PPRC1: variants seen among roughly 807,000 people sequenced by gnomAD.
PPRC1 encodes the protein PPARG related coactivator 1.
Under a neutral mutation model 132.5 loss-of-function variants are expected in PPRC1, and 23 were observed. That is an observed-to-expected ratio of 0.17 (90% CI 0.12 to 0.25). The LOEUF (loss-of-function observed/expected upper bound fraction) is 0.25, where lower values mean the gene tolerates loss of function less well. PPRC1 is among the 10% of genes least tolerant of loss of function. The pLI is 1.00. For synonymous variants in PPRC1, 872 were observed against 833.5 expected, an observed-to-expected ratio of 1.05 and a Z score of -0.80; for missense variants, 2,006 against 2,089.1, an observed-to-expected ratio of 0.96 and a Z score of 0.78.
In PPRC1 at chr10:102,133,181, C is replaced by G; in HGVS notation, c.113C>G (p.Ala38Gly). 1 of 1,276,458 alleles carries G rather than the reference C, an allele frequency of 7.8e-7. No homozygotes were observed. The highest frequency in any genetic ancestry group is 1.0e-6 in the Non-Finnish European group (1 of 1,004,638). The allele number at this position is 1,276,458 out of a possible 1,614,324, so 79.1% of individuals were successfully genotyped here. Residue 38 changes from alanine to glycine, a missense_variant, in exon 1 of 14, where the codon GCG (alanine) becomes GGG (glycine). Coordinates refer to ENST00000278070, the MANE Select transcript of PPRC1 (RefSeq NM_015062.5). ...RGSGWGSRSQ[A>G]PYGTLGAVSG... ...AGTGGTTGGGGAAGTCGAAGCCAAG[C>G]GCCGTATGGGACTTTGGGCGCTGTG...
Position 102,141,662 on chromosome 10 carries a change from C to T in PPRC1, c.3154C>T (p.Pro1052Ser), listed in dbSNP as rs781363868. 18 of 1,614,148 alleles carry T rather than the reference C, an allele frequency of 1.1e-5. No individual in the cohort carries two copies. The South Asian group carries it at 1.9e-4, about 17-fold the overall frequency. The change falls in exon 5 of 14, where the codon CCT becomes TCT. Residue 1052 changes from proline (P) to serine (S), a missense_variant. Around this residue, in one of 2 missense-constraint regions of PPRC1, gnomAD observed 1,914 missense variants for 1,917.2 expected, o/e 1.00. Transcript: ENST00000278070. ...LPGHGAPQTE[P>S]TKVEVKPVPA... ...TGGCCATGGAGCTCCTCAGACAGAG[C>T]CTACCAAGGTGGAGGTCAAGCCAGT...
chr10:102,127,068 T>TATATATATAA, the PPRC1 span, among the ~76,000 whole-genome samples: 12 of 74,102 alleles, frequency 1.6e-4, no homozygotes, highest in East Asian at 7.8e-4. Flanking sequence ...TATATATATA[T>TATATATATAA]AAATTAAAAA....
rs1385579477 is a variant in PPRC1 at position 102,133,130 on chromosome 10, C to T, written c.62C>T (p.Pro21Leu). Residue 21 changes from proline to leucine, a missense_variant, in exon 1 of 14, where the codon CCG becomes CTG. Around this residue, in one of 2 missense-constraint regions of PPRC1, gnomAD observed 1,914 missense variants for 1,917.2 expected, o/e 1.00. Coordinates refer to ENST00000278070, the MANE Select transcript of PPRC1 (RefSeq NM_015062.5). The part of the protein sequence containing the change: ...VAPPPSGGPG[P>L]DPGGGARGSG... ...CCGCCCCCGAGTGGGGGCCCCGGTC[C>T]GGACCCTGGCGGGGGAGCCCGCGGC... 4.0e-6 allele frequency: 5 copies of T among 1,250,288 alleles called. No homozygotes were observed. Among genetic ancestry groups the T allele is most frequent in the South Asian group, 4.0e-5 (1 of 24,746 alleles). The allele number at this position is 1,250,288 out of a possible 1,614,324, so 77.4% of individuals were successfully genotyped here. A position where few individuals can be genotyped will look rare whatever the true frequency, so the allele number is the denominator to read the frequency against.
rs752009057 is a variant in PPRC1 at position 102,148,567 on chromosome 10, C to CT, written c.4550+47dup. 8.1e-6 allele frequency: 13 copies of CT among 1,612,062 alleles called. No individual in the cohort carries two copies. Among genetic ancestry groups the CT allele is most frequent in the African/African-American group, 8.0e-5 (6 of 74,864 alleles). Reference sequence around the variant, plus strand: ...CGCCATGCACCTGGGATGCAGGTGCCTAAGAGTTGAGTCTTGAATTGTCTT... The same window carrying CT: ...CGCCATGCACCTGGGATGCAGGTGCCTTAAGAGTTGAGTCTTGAATTGTCTT... On this transcript the variant is annotated intron_variant, in intron 10 of 13. Coordinates refer to ENST00000278070, the MANE Select transcript of PPRC1 (RefSeq NM_015062.5). The surrounding 1 kb of genome is among the most constrained non-coding windows in gnomAD (Gnocchi z 4.2).
the PPRC1 span, among the ~76,000 whole-genome samples, chr10:102,124,353 G>A: frequency 1.3e-5 from 2 of 151,522 alleles, no homozygotes; most frequent in Non-Finnish European, 2.9e-5. Context: ...GTGAGCCACC[G>A]CGCCCGGCCT....
chr10:102,124,359 G>A, the PPRC1 span, among the ~76,000 whole-genome samples: 8 of 151,636 alleles, frequency 5.3e-5, no homozygotes, highest in East Asian at 1.9e-4. Context: ...CACCGCGCCC[G>A]GCCTTCTTTC....
In PPRC1 at chr10:102,150,085, A is replaced by C. The variant is rs2069444936; in HGVS notation, c.*56A>C. On this transcript the variant is annotated 3_prime_UTR_variant, in exon 14 of 14. Coordinates refer to ENST00000278070, the MANE Select transcript of PPRC1 (RefSeq NM_015062.5). ...CCTTTGGAGGTGCCCAACCTCCTCC[A>C]CCCCCTTCCCCTACTCTAGGGGAGA... 7.6e-7 allele frequency: 1 copy of C among 1,317,350 alleles called. No individual in the cohort carries two copies. The highest frequency in any genetic ancestry group is 1.7e-5 in the Admixed American group (1 of 59,326). The allele number at this position is 1,317,350 out of a possible 1,614,324, so 81.6% of individuals were successfully genotyped here. A position where few individuals can be genotyped will look rare whatever the true frequency, so the allele number is the denominator to read the frequency against.
At chr10:102,142,663 C>T (rs1456896068) in intron 5 of PPRC1, among the ~76,000 whole-genome samples, 1 of 152,138 alleles carries the variant, frequency 6.6e-6, no homozygotes, top group Non-Finnish European at 1.5e-5. Flanking sequence ...ATCCGCCTGC[C>T]TCAGCCTCCC....
upstream of PPRC1, chr10:102,133,006 C>A (rs948843216): frequency 6.5e-6 from 8 of 1,235,804 alleles, no homozygotes; most frequent in South Asian, 2.9e-4. Context: ...AGTTCCTTTC[C>A]CACAATCGGC....
chr10:102,147,240 C>T lies in PPRC1; in HGVS notation c.4248C>T (p.Ser1416=), dbSNP rs766047799. The T allele has an allele frequency of 3.1e-6, 5 of 1,613,102 alleles. No individual in the cohort carries two copies. The highest frequency in any genetic ancestry group is 3.3e-5 in the Admixed American group (2 of 60,012). The change falls in exon 9 of 14, where the codon AGC becomes AGT. Residue 1416 remains serine (S), a synonymous_variant. Coordinates refer to ENST00000278070, the MANE Select transcript of PPRC1 (RefSeq NM_015062.5). Reference sequence around the variant, plus strand: ...CCTGCAGGTCAGCCAGCCCCTCAAGCCAGGGCTGGCAGGGCCGCCGAGGCC... The same window carrying T: ...CCTGCAGGTCAGCCAGCCCCTCAAGTCAGGGCTGGCAGGGCCGCCGAGGCC... ...RKACRSASPS[S]QGWQGRRGRN...
At chr10:102,125,800 T>G in the PPRC1 span, among the ~76,000 whole-genome samples, 3 of 151,758 alleles carry the variant, frequency 2.0e-5, no homozygotes, top group Non-Finnish European at 4.4e-5. Flanking sequence ...TTTTCTCTTA[T>G]ATTTCTCTCA....
chr10:102,130,808 A>G (rs950024460), upstream of PPRC1, among the ~76,000 whole-genome samples: 1 of 152,076 alleles, frequency 6.6e-6, no homozygotes, highest in African/African-American at 2.4e-5. Flanking sequence ...ATCCCAACAC[A>G]TTGGGAGGCC....
In PPRC1 at chr10:102,139,549, G is replaced by A; in HGVS notation, c.1041G>A (p.Glu347=). 1 of 1,613,976 alleles carries A rather than the reference G, an allele frequency of 6.2e-7. No individual in the cohort carries two copies. The highest frequency in any genetic ancestry group is 8.5e-7 in the Non-Finnish European group (1 of 1,179,940). ...TGCCTGAGGGCTGCGTAGTGCTGGA[G>A]ATTGTGGGGCAGGCAGCCACAGCTG... is the stretch of plus-strand genomic sequence containing the variant. ...LTLPEGCVVL[E]IVGQAATAGD... Residue 347 remains glutamate, a synonymous_variant, in exon 5 of 14, where the codon GAG becomes GAA. Transcript: ENST00000278070.
Position 102,141,420 on chromosome 10 carries a change from C to T in PPRC1, c.2912C>T (p.Ser971Leu), listed in dbSNP as rs763778333. ...VPWAPPPAPV[S>L]PYSSTCTYGP... ...TGGGCACCCCCTCCTGCCCCAGTCT[C>T]ACCTTACAGTTCCACATGTACCTAT... is the stretch of plus-strand genomic sequence containing the variant. Residue 971 changes from serine to leucine, a missense_variant, in exon 5 of 14, where the codon TCA becomes TTA. By Grantham distance (145) the Ser-to-Leu change is moderately radical. This residue lies in a region of PPRC1 where 1,914 missense variants were observed against 1,917.2 expected (regional missense o/e 1.00). Transcript: ENST00000278070. 1.9e-6 allele frequency: 3 copies of T among 1,614,058 alleles called. No individual in the cohort carries two copies. The highest frequency in any genetic ancestry group is 1.3e-5 in the African/African-American group (1 of 75,038).
In PPRC1 at chr10:102,140,030, C is replaced by G; in HGVS notation, c.1522C>G (p.Leu508Val). 6.2e-7 allele frequency: 1 copy of G among 1,614,196 alleles called. No individual in the cohort carries two copies. Among genetic ancestry groups the G allele is most frequent in the Non-Finnish European group, 8.5e-7 (1 of 1,180,026 alleles). The change falls in exon 5 of 14, where the codon CTT (leucine) becomes GTT (valine). Residue 508 changes from leucine to valine, a missense_variant. Leu to Val is a conservative substitution (Grantham distance 32). This residue lies in a region of PPRC1 where 1,914 missense variants were observed against 1,917.2 expected (regional missense o/e 1.00). Coordinates refer to ENST00000278070, the MANE Select transcript of PPRC1 (RefSeq NM_015062.5). Reference sequence around the variant, plus strand: ...CTTGCAGAAACAGCCTCAGGAAGAACTTCAAAAAGAGTCTGGGCCTCTCCA... The same window carrying G: ...CTTGCAGAAACAGCCTCAGGAAGAAGTTCAAAAAGAGTCTGGGCCTCTCCA... ...DNLQKQPQEE[L>V]QKESGPLQGK...
chr10:102,135,901 G>A (rs760848361), intron 1 of PPRC1, among the ~76,000 whole-genome samples: 1 of 152,182 alleles, frequency 6.6e-6, no homozygotes, highest in Admixed American at 6.5e-5. Flanking sequence ...CTTAGCACTC[G>A]GATGATCTTG....
At chr10:102,127,531 C>G in the PPRC1 span, among the ~76,000 whole-genome samples, 14,415 of 152,042 alleles carry the variant, frequency 0.095, 974 homozygotes, top group African/African-American at 0.19. Context: ...CTCAGCCTCC[C>G]GAGTAGCTGG....
At chr10:102,138,372 C>T (rs1774410454) in intron 2 of PPRC1, among the ~76,000 whole-genome samples, 3 of 152,174 alleles carry the variant, frequency 2.0e-5, no homozygotes, top group Middle Eastern at 3.2e-3. Flanking sequence ...CATCCCACAT[C>T]TTATCTGAGG....
chr10:102,122,462 C>CTTTTTTTTTTTTTTTTT, the PPRC1 span, among the ~76,000 whole-genome samples: 1 of 133,574 alleles, frequency 7.5e-6, no homozygotes. Flanking sequence ...TCTTTCTGCC[C>CTTTTTTTTTTTTTTTTT]TTTTTTTTTT....
Sources: gnomAD v4.1 joint callset for allele counts (sites outside exome capture counted in the v4.1 genomes callset) on GRCh38, gnomAD v4.1.1 for gene constraint, gnomAD v4.1.1 regional missense constraint, Gnocchi (gnomAD v3.1) non-coding constraint, MANE v1.5 for transcripts, NCBI Gene and HGNC (gene_info 2026-07-23, HGNC 2026-07-21) for gene names.